Variants in GRAMD4 observed in about 807,000 individuals in gnomAD.
GRAMD4 encodes the protein GRAM domain-containing protein 4.
In GRAMD4, 25 loss-of-function variants were observed where a neutral mutation model predicts 83.9. The observed-to-expected ratio is 0.30, with a 90% confidence interval of 0.22 to 0.42. GRAMD4 has a LOEUF of 0.42. Among genes scored for constraint, GRAMD4 ranks in the 10% least tolerant of loss-of-function variants. The probability of loss-of-function intolerance (pLI) is 1.00; values close to 1 mark genes in which losing one functional copy is unlikely to be tolerated. For synonymous variants in GRAMD4, 336 were observed against 320.9 expected (o/e 1.05, Z -0.50); for missense variants, 593 against 788.7 (o/e 0.75, Z 2.97).
chr22:46,614,791 TGA>T (rs2081453973), intron 1 of GRAMD4, among the ~76,000 whole-genome samples: 1 of 149,090 alleles, frequency 6.7e-6, no homozygotes, highest in Non-Finnish European at 1.5e-5. Context: ...TTCCCCCGTG[TGA>T]AGGTTCCCCC....
Position 46,677,498 on chromosome 22 carries a change from TG to T in GRAMD4, c.*252del. 1 of 1,274,218 alleles carries T rather than the reference TG, an allele frequency of 7.8e-7. No homozygotes were observed. The highest frequency in any genetic ancestry group is 9.9e-7 in the Non-Finnish European group (1 of 1,005,962). 78.9% of individuals were successfully genotyped at this position (1,274,218 alleles called of 1,614,324 possible). ...GTGCCTCTGAGGGCCACCCGCAGAC[TG>T]GGGGAGGGGGCAGAGGCCCTCGGGG... On this transcript the variant is annotated 3_prime_UTR_variant, in exon 19 of 19. Transcript: ENST00000406902.
chr22:46,626,648 G>A (rs966254522), intron 1 of GRAMD4, 103 bp from the exon 2 acceptor site: 19 of 681,004 alleles, frequency 2.8e-5, no homozygotes, highest in Non-Finnish European at 4.1e-5. Context: ...TCTGGGTCGG[G>A]GTTTTCTTTG....
chr22:46,630,254 G>C (rs539769466), intron 2 of GRAMD4, among the ~76,000 whole-genome samples: 10 of 152,248 alleles, frequency 6.6e-5, no homozygotes, highest in East Asian at 3.9e-4. Context: ...TCGAACTCCT[G>C]AGCTCAGGCA....
At chr22:46,650,993 G>A (rs1245967868) in intron 3 of GRAMD4, among the ~76,000 whole-genome samples, 1 of 152,222 alleles carries the variant, frequency 6.6e-6, no homozygotes, top group Non-Finnish European at 1.5e-5. Context: ...TCTGCCCAGT[G>A]GCTCTTGTGA....
rs1601575601 is a variant in GRAMD4 at position 46,620,598 on chromosome 22, T to C, written c.-50+33T>C. 3 of 627,290 alleles carry C rather than the reference T, an allele frequency of 4.8e-6. No individual in the cohort carries two copies. In the African/African-American group the frequency reaches 6.2e-5, roughly 13 times the overall value. 38.9% of individuals were successfully genotyped at this position (627,290 alleles called of 1,614,324 possible). A position where few individuals can be genotyped will look rare whatever the true frequency, so the allele number is the denominator to read the frequency against. On this transcript the variant is annotated intron_variant, in intron 1 of 18. Coordinates refer to ENST00000406902, the MANE Select transcript of GRAMD4 (RefSeq NM_015124.5). The surrounding 1 kb of genome is among the most constrained non-coding windows in gnomAD (Gnocchi z 4.7). ...GCAGGGGGCAGGGGGCAGGGGGACA[T>C]GGTAGGGCCCATCTGAGTGGAAGCC...
At chr22:46,635,457 C>T (rs145915020) in intron 2 of GRAMD4, among the ~76,000 whole-genome samples, 1,332 of 25,676 alleles carry the variant, frequency 0.052, 18 homozygotes, top group African/African-American at 0.072. Flanking sequence ...CCTGGGAGGC[C>T]GTGTCCTCCC....
chr22:46,673,590 A>G (rs977541976), intron 14 of GRAMD4, 80 bp from the exon 15 acceptor site: 8 of 1,500,694 alleles, frequency 5.3e-6, no homozygotes, highest in Non-Finnish European at 1.8e-6. Flanking sequence ...GCTTTTGGGG[A>G]GGTGTGTGTG....
intron 8 of GRAMD4, among the ~76,000 whole-genome samples, chr22:46,664,754 C>G (rs1471682837): frequency 6.6e-6 from 1 of 152,332 alleles, no homozygotes; most frequent in African/African-American, 2.4e-5. Flanking sequence ...CACCTGCTTG[C>G]TAGGGCCTCC....
At chr22:46,650,932 CAG>C (rs2082156814) in intron 3 of GRAMD4, among the ~76,000 whole-genome samples, 1 of 152,334 alleles carries the variant, frequency 6.6e-6, no homozygotes, top group African/African-American at 2.4e-5. Flanking sequence ...TCTGGGCACG[CAG>C]AGTGTCCCCT....
chr22:46,663,480 G>A (rs1225978066), intron 6 of GRAMD4, among the ~76,000 whole-genome samples: 1 of 152,182 alleles, frequency 6.6e-6, no homozygotes, highest in South Asian at 2.1e-4. Context: ...AGTCCCATCA[G>A]TAAACCTTGG....
rs947517722 is a variant in GRAMD4, at chr22:46,620,718, C to T, written c.-50+153C>T. The stretch of plus-strand genomic sequence containing the variant: ...CTTGATCTTGAAAGGCAGGCTCCCT[C>T]CCAAGGCCGGGTGCAGGCCAGACCC... On this transcript the variant is annotated intron_variant, in intron 1 of 18. Coordinates refer to ENST00000406902, the MANE Select transcript of GRAMD4 (RefSeq NM_015124.5). This position sits in a 1 kb window ranked among gnomAD's most constrained non-coding sequence, Gnocchi z 4.7. 2.0e-4 allele frequency among the ~76,000 whole-genome samples: 30 copies of T among 152,086 alleles called. No homozygotes were observed. The highest frequency in any genetic ancestry group is 7.0e-4 in the African/African-American group (29 of 41,398).
downstream of GRAMD4, among the ~76,000 whole-genome samples, chr22:46,681,814 G>T (rs565955283): frequency 3.3e-4 from 51 of 152,310 alleles, no homozygotes; most frequent in Middle Eastern, 6.8e-3. Flanking sequence ...ATCAGAGAGG[G>T]CCTCACATGG....
At chr22:46,613,061 A>G (rs1264519959) in intron 1 of GRAMD4, among the ~76,000 whole-genome samples, 1 of 152,216 alleles carries the variant, frequency 6.6e-6, no homozygotes, top group Non-Finnish European at 1.5e-5. Context: ...CACCCACAAG[A>G]CAGCGCTGCC....
chr22:46,652,930 G>A (rs1195817299), intron 3 of GRAMD4, among the ~76,000 whole-genome samples: 2 of 152,226 alleles, frequency 1.3e-5, no homozygotes, highest in African/African-American at 2.4e-5. Flanking sequence ...TGACCTGAAT[G>A]TGTCGCTGGT....
In GRAMD4 at chr22:46,679,702, T is replaced by G. The variant is rs1285765625; in HGVS notation, c.*2451T>G. 21 of 975,360 alleles carry G rather than the reference T, an allele frequency of 2.2e-5. No individual in the cohort carries two copies. Among genetic ancestry groups the G allele is most frequent in the Non-Finnish European group, 2.4e-5 (20 of 820,668 alleles). The allele number at this position is 975,360 out of a possible 1,614,324, so 60.4% of individuals were successfully genotyped here. A position where few individuals can be genotyped will look rare whatever the true frequency, so the allele number is the denominator to read the frequency against. ...AAAAAAATTCTCCTGTAACATTTTT[T>G]TAAGAAAACTTTGTTTGTTTAAAGA... On this transcript the variant is annotated 3_prime_UTR_variant, in exon 19 of 19. Coordinates refer to ENST00000406902, the MANE Select transcript of GRAMD4 (RefSeq NM_015124.5).
intron 1 of GRAMD4, among the ~76,000 whole-genome samples, chr22:46,600,739 C>T (rs555282655): frequency 2.0e-5 from 3 of 152,146 alleles, no homozygotes; most frequent in African/African-American, 4.8e-5. Context: ...CATTGCCACT[C>T]GCTATTAGAA....
chr22:46,654,174 G>T (rs1238399910), intron 3 of GRAMD4, among the ~76,000 whole-genome samples: 1 of 152,052 alleles, frequency 6.6e-6, no homozygotes, highest in Admixed American at 6.5e-5. Flanking sequence ...TGGGGGGTAG[G>T]GTGGGAGGGC....
chr22:46,663,523 G>C (rs1569299037), intron 6 of GRAMD4, among the ~76,000 whole-genome samples: 1 of 152,198 alleles, frequency 6.6e-6, no homozygotes, highest in Non-Finnish European at 1.5e-5. Flanking sequence ...AGGCCCTGGG[G>C]GTCCCGAGGG....
intron 1 of GRAMD4, among the ~76,000 whole-genome samples, chr22:46,604,525 C>A (rs2081346636): frequency 6.6e-6 from 1 of 152,226 alleles, no homozygotes; most frequent in Non-Finnish European, 1.5e-5. Context: ...CCAACCGAAA[C>A]TCCGCACCCA....
Sources: gnomAD v4.1 joint callset for allele counts (sites outside exome capture counted in the v4.1 genomes callset) on GRCh38, gnomAD v4.1.1 for gene constraint, Gnocchi (gnomAD v3.1) non-coding constraint, MANE v1.5 for transcripts, NCBI Gene and HGNC (gene_info 2026-07-23, HGNC 2026-07-21) for gene names.